Variants in DBN1 observed in about 807,000 individuals in gnomAD.
DBN1 encodes drebrin.
In DBN1, 21 loss-of-function variants were observed where a neutral mutation model predicts 83.5. That is an observed-to-expected ratio of 0.25 (90% CI 0.18 to 0.36). DBN1 has a LOEUF of 0.36. DBN1 is among the 10% of genes least tolerant of loss of function. DBN1 has a pLI of 1.00. For synonymous variants in DBN1, 381 were observed against 384.9 expected (o/e 0.99, Z 0.12); for missense variants, 874 against 935.7 (o/e 0.93, Z 0.86).
intron 1 of DBN1, chr5:177,472,139 T>C (rs1348769957): frequency 6.2e-7 from 1 of 1,611,948 alleles, no homozygotes; most frequent in Non-Finnish European, 8.5e-7. Flanking sequence ...CGAGAGCTTG[T>C]CTCTCGCGTC....
intron 8 of DBN1, among the ~76,000 whole-genome samples, chr5:177,465,066 TG>T (rs1325649253): frequency 2.6e-5 from 4 of 152,276 alleles, no homozygotes; most frequent in African/African-American, 9.6e-5. Context: ...GGCAGGAGAA[TG>T]GTGTGAACCT....
In DBN1 at chr5:177,466,311, G is replaced by A. The variant is rs1057480380; in HGVS notation, c.771+461C>T. On this transcript the variant is annotated intron_variant, in intron 8 of 14. Transcript: ENST00000393565. The surrounding 1 kb of genome is among the most constrained non-coding windows in gnomAD (Gnocchi z 4.8). ...CTACGGGCCATTCCCAATGTGTGGA[G>A]ATTCAGACAGTACCCCTGGAACAAA... Among the ~76,000 whole-genome samples the A allele has an allele frequency of 6.6e-6, 1 of 152,252 alleles. No homozygotes were observed. Among genetic ancestry groups the A allele is most frequent in the African/African-American group, 2.4e-5 (1 of 41,470 alleles).
At chr5:177,464,804 G>T (rs1489377550) in intron 8 of DBN1, among the ~76,000 whole-genome samples, 3 of 152,000 alleles carry the variant, frequency 2.0e-5, no homozygotes, top group African/African-American at 4.8e-5. Flanking sequence ...GCCAGGCGTG[G>T]TGGTGGGCGC....
Position 177,472,132 on chromosome 5 carries a change from G to GA in DBN1, c.86+1303dup, listed in dbSNP as rs772871759. 12 of 1,611,600 alleles carry GA rather than the reference G, an allele frequency of 7.4e-6. No individual in the cohort carries two copies. The African/African-American group carries it at 8.0e-5, about 11-fold the overall frequency. On this transcript the variant is annotated intron_variant, in intron 1 of 14. Coordinates refer to ENST00000393565, the MANE Select transcript of DBN1 (RefSeq NM_001363541.2). ...CCTGTGACTGACCTGCAGGACACGAGAGCTTGTCTCTCGCGTCCATCCCTC... is the reference window on the plus strand; with the variant it reads ...CCTGTGACTGACCTGCAGGACACGAGAAGCTTGTCTCTCGCGTCCATCCCTC...
chr5:177,467,351 C>T lies in DBN1; in HGVS notation c.478-19G>A, dbSNP rs772315070. On this transcript the variant is annotated intron_variant, in intron 5 of 14. Transcript: ENST00000393565. This position sits in a 1 kb window ranked among gnomAD's most constrained non-coding sequence, Gnocchi z 9.1. ...TGGTGCCCTGCAGTGTCGAAGGACC[C>T]AGCATAAGCAGGCTGAATGCCCCAG... 1.2e-6 allele frequency: 2 copies of T among 1,614,108 alleles called. No homozygotes were observed. Among genetic ancestry groups the T allele is most frequent in the Non-Finnish European group, 1.7e-6 (2 of 1,179,988 alleles).
chr5:177,472,798 G>A (rs758168857), intron 1 of DBN1: 1 of 986,334 alleles, frequency 1.0e-6, no homozygotes, highest in Admixed American at 6.1e-5. Flanking sequence ...CGCGACCCGC[G>A]GCGGTAAGGG....
chr5:177,470,242 C>T (rs982875630), intron 1 of DBN1, among the ~76,000 whole-genome samples: 3 of 152,214 alleles, frequency 2.0e-5, no homozygotes, highest in African/African-American at 7.2e-5. Flanking sequence ...TGGCCCACCA[C>T]CTGTCCTGCT....
intron 2 of DBN1, 194 bp from the exon 3 acceptor site, chr5:177,468,414 G>GT: frequency 1.7e-6 from 1 of 599,494 alleles, no homozygotes; most frequent in Non-Finnish European, 3.0e-6. Context: ...AGCTTTGCCT[G>GT]TGACTCCTGC....
chr5:177,470,168 G>C (rs979391213), intron 1 of DBN1, among the ~76,000 whole-genome samples: 1 of 152,130 alleles, frequency 6.6e-6, no homozygotes, highest in African/African-American at 2.4e-5. Context: ...GTGGGGCTGG[G>C]AGCTCCTGGT....
At chr5:177,457,529 T>A (rs1350005208) in intron 14 of DBN1, 26 bp from the exon 15 acceptor site, 1 of 1,609,532 alleles carries the variant, frequency 6.2e-7, no homozygotes, top group Non-Finnish European at 8.5e-7. Context: ...GGGAGAGGAG[T>A]TAGGGACCTA....
Position 177,460,492 on chromosome 5 carries a change from T to G in DBN1, c.895A>C (p.Arg299=). The change falls in exon 10 of 15, where the codon AGA becomes CGA. Residue 299 remains arginine (R), a synonymous_variant. Coordinates refer to ENST00000393565, the MANE Select transcript of DBN1 (RefSeq NM_001363541.2). ...NPREFFKQQE[R]VASASAGSCD... ...CTGCCCGCAGAGGCCGATGCGACTCTTTCCTGCTGCTTGAAGAACTCCCTT... is the reference window on the plus strand; with the variant it reads ...CTGCCCGCAGAGGCCGATGCGACTCGTTCCTGCTGCTTGAAGAACTCCCTT... 1.2e-6 allele frequency: 2 copies of G among 1,614,186 alleles called. No individual in the cohort carries two copies. The highest frequency in any genetic ancestry group is 1.7e-6 in the Non-Finnish European group (2 of 1,180,020).
intron 2 of DBN1, 73 bp from the exon 3 acceptor site, chr5:177,468,293 C>T (rs1417757109): frequency 7.3e-7 from 1 of 1,372,340 alleles, no homozygotes; most frequent in Non-Finnish European, 1.0e-6. Flanking sequence ...GAACTCAAAG[C>T]AAAGACTCCT....
rs535510888 is a variant in DBN1, at chr5:177,463,841, A to T, written c.771+2931T>A. Among the ~76,000 whole-genome samples the T allele has an allele frequency of 1.3e-3, 203 of 152,338 alleles. 2 individuals carry two copies. Among genetic ancestry groups the T allele is most frequent in the Non-Finnish European group, 9.4e-4 (64 of 68,036 alleles). On this transcript the variant is annotated intron_variant, in intron 8 of 14. Transcript: ENST00000393565. ...ATGTTTGAAATGTTAGCAAAAAAAT[A>T]AACTTTATCAGGGCTGGGTGCAGTG...
At chr5:177,468,341 T>C in intron 2 of DBN1, 121 bp from the exon 3 acceptor site, 3 of 795,156 alleles carry the variant, frequency 3.8e-6, no homozygotes, top group South Asian at 1.6e-5. Context: ...TCTTCTGGCC[T>C]CTGGGGTCTG....
intron 8 of DBN1, among the ~76,000 whole-genome samples, chr5:177,461,345 G>A (rs571847464): frequency 1.3e-5 from 2 of 151,668 alleles, no homozygotes; most frequent in Non-Finnish European, 2.9e-5. Flanking sequence ...TGATCCGCCC[G>A]CCTCGGCCTC....
At chr5:177,459,372 G>C (rs1756833999) in intron 11 of DBN1, 104 bp from the exon 12 acceptor site, 1 of 1,503,848 alleles carries the variant, frequency 6.6e-7, no homozygotes, top group Non-Finnish European at 8.8e-7. Flanking sequence ...GAATCTGGGT[G>C]GGGGCTGGGA....
chr5:177,457,581 T>A, intron 14 of DBN1, 74 bp downstream of exon 14: 1 of 1,523,434 alleles, frequency 6.6e-7, no homozygotes, highest in East Asian at 2.3e-5. Context: ...CGGTGGGTAG[T>A]GGTGGGGTGG....
At chr5:177,457,996 G>C in intron 13 of DBN1, 62 bp downstream of exon 13, 1 of 1,603,334 alleles carries the variant, frequency 6.2e-7, no homozygotes, top group Non-Finnish European at 8.5e-7. Flanking sequence ...GGAATGCAGG[G>C]CCAGCACCCT....
At chr5:177,465,326 C>T (rs776783413) in intron 8 of DBN1, among the ~76,000 whole-genome samples, 2 of 152,142 alleles carry the variant, frequency 1.3e-5, no homozygotes, top group Admixed American at 6.5e-5. Flanking sequence ...ATAAGCCACA[C>T]GCAAAAGGAC....
Sources: gnomAD v4.1 joint callset for allele counts (sites outside exome capture counted in the v4.1 genomes callset) on GRCh38, gnomAD v4.1.1 for gene constraint, Gnocchi (gnomAD v3.1) non-coding constraint, MANE v1.5 for transcripts, NCBI Gene and HGNC (gene_info 2026-07-23, HGNC 2026-07-21) for gene names.